BRSK2: variants seen among roughly 807,000 people sequenced by gnomAD.
BRSK2 encodes the protein BR serine/threonine kinase 2.
Under a neutral mutation model 83.3 loss-of-function variants are expected in BRSK2, and 19 were observed. That is an observed-to-expected ratio of 0.23 (90% CI 0.16 to 0.33). The LOEUF is 0.33. Among genes scored for constraint, BRSK2 ranks in the 10% least tolerant of loss-of-function variants. The pLI is 1.00. For missense variants in BRSK2, 798 were observed against 1,042.3 expected (o/e 0.77, Z 3.23); for synonymous variants, 519 against 435.4 (o/e 1.19, Z -2.39).
intron 12 of BRSK2, among the ~76,000 whole-genome samples, chr11:1,449,073 G>A (rs546738347): frequency 1.2e-4 from 18 of 152,344 alleles, no homozygotes; most frequent in Non-Finnish European, 2.4e-4. Flanking sequence ...CGGCTCGTCC[G>A]TGCAGTGTGG....
In BRSK2 at chr11:1,423,361, G is replaced by A. The variant is rs79584027; in HGVS notation, c.92-12679G>A. 1.7e-4 allele frequency among the ~76,000 whole-genome samples: 26 copies of A among 152,262 alleles called. No individual in the cohort carries two copies. The East Asian group carries it at 3.3e-3, about 19-fold the overall frequency. On this transcript the variant is annotated intron_variant, in intron 1 of 19. Coordinates refer to ENST00000528841, the MANE Select transcript of BRSK2 (RefSeq NM_001256627.2). This position sits in a 1 kb window ranked among gnomAD's most constrained non-coding sequence, Gnocchi z 6.5. ...ACTTCAGTGCAGAGCCTTCAGTTAG[G>A]AGCCGAGGCCTCTGGCCAGGTTCAG...
chr11:1,418,001 A>G (rs1398515347), intron 1 of BRSK2, among the ~76,000 whole-genome samples: 13 of 134,262 alleles, frequency 9.7e-5, no homozygotes, highest in Non-Finnish European at 1.6e-4. Flanking sequence ...AGAGTGGGTC[A>G]CCTGTGTCCT....
Position 1,414,948 on chromosome 11 carries a change from G to A in BRSK2, c.92-21092G>A, listed in dbSNP as rs566853489. Among the ~76,000 whole-genome samples the A allele has an allele frequency of 2.1e-3, 319 of 152,286 alleles. 1 individual carries two copies. Among genetic ancestry groups the A allele is most frequent in the Non-Finnish European group, 3.7e-3 (249 of 68,030 alleles). On this transcript the variant is annotated intron_variant, in intron 1 of 19. Coordinates refer to ENST00000528841, the MANE Select transcript of BRSK2 (RefSeq NM_001256627.2). Reference sequence around the variant, plus strand: ...CCTGTGTGGACAGACCACGTTGTTCGCCTATCATCTGCCGTGGACATGTGG... The same window carrying A: ...CCTGTGTGGACAGACCACGTTGTTCACCTATCATCTGCCGTGGACATGTGG...
At chr11:1,414,704 A>G (rs1263522803) in intron 1 of BRSK2, among the ~76,000 whole-genome samples, 1 of 152,180 alleles carries the variant, frequency 6.6e-6, no homozygotes, top group Non-Finnish European at 1.5e-5. Context: ...CTAGTTCCAG[A>G]ATGTTCCACC....
chr11:1,426,398 A>G (rs771981528), intron 1 of BRSK2, among the ~76,000 whole-genome samples: 1 of 152,154 alleles, frequency 6.6e-6, no homozygotes, highest in Non-Finnish European at 1.5e-5. Context: ...TCCAGGGGAA[A>G]GAAGAGGCTT....
At chr11:1,412,652 A>C (rs1218982977) in intron 1 of BRSK2, among the ~76,000 whole-genome samples, 1 of 152,204 alleles carries the variant, frequency 6.6e-6, no homozygotes, top group African/African-American at 2.4e-5. Context: ...GGAGGGGCCC[A>C]GCAGAGCTGA....
intron 6 of BRSK2, 60 bp downstream of exon 6, chr11:1,443,199 G>A (rs1431872368): frequency 2.0e-6 from 3 of 1,527,034 alleles, no homozygotes; most frequent in South Asian, 2.4e-5. Context: ...ACCTGACCCT[G>A]GTGGGACCCC....
intron 1 of BRSK2, among the ~76,000 whole-genome samples, chr11:1,396,181 C>G (rs4046759): frequency 0.13 from 11,426 of 89,860 alleles, 1,215 homozygotes; most frequent in Non-Finnish European, 0.16. Flanking sequence ...CCCCGCTCCT[C>G]GTCTCTCTTC....
Position 1,454,068 on chromosome 11 carries a change from G to C in BRSK2, c.1545-417G>C, listed in dbSNP as rs550138607. On this transcript the variant is annotated intron_variant, in intron 15 of 19. Transcript: ENST00000528841. This position sits in a 1 kb window ranked among gnomAD's most constrained non-coding sequence, Gnocchi z 5.2. ...GCCTCCCCACTCTCCTGTTGGAAGC[G>C]AGTTGCAGGCCCCGCCTGCTCCTGG... The C allele has an allele frequency of 6.2e-6, 1 of 162,074 alleles. No homozygotes were observed. The allele number at this position is 162,074 out of a possible 1,614,324, so 10.0% of individuals were successfully genotyped here.
Position 1,460,623 on chromosome 11 carries a change from C to T in BRSK2, c.2111C>T (p.Ser704Phe), listed in dbSNP as rs574284797. 3.5e-5 allele frequency: 54 copies of T among 1,530,494 alleles called. 1 individual carries two copies. In the South Asian group the frequency reaches 4.2e-4, roughly 12 times the overall value. The allele number at this position is 1,530,494 out of a possible 1,614,324, so 94.8% of individuals were successfully genotyped here. A position where few individuals can be genotyped will look rare whatever the true frequency, so the allele number is the denominator to read the frequency against. The change falls in exon 20 of 20, where the codon TCC becomes TTC. Residue 704 changes from serine (S) to phenylalanine (F), a missense_variant. By Grantham distance (155) the Ser-to-Phe change is radical (BLOSUM62 -2). Coordinates refer to ENST00000528841, the MANE Select transcript of BRSK2 (RefSeq NM_001256627.2). ...AGTGCCCACGGCCCACTCGGTGACT[C>T]CGCGGCCGCTGGCCCTGGCCCCGGA... is the stretch of plus-strand genomic sequence containing the variant. ...KRSAHGPLGD[S>F]AAAGPGPGGD...
intron 18 of BRSK2, among the ~76,000 whole-genome samples, chr11:1,457,528 G>T (rs1459808308): frequency 1.3e-4 from 20 of 152,180 alleles, no homozygotes; most frequent in Admixed American, 1.3e-3. Flanking sequence ...GTGGGGGCAG[G>T]GCGGAGCACT....
rs1343880075 is a variant in BRSK2, at chr11:1,459,186, C to T, written c.1940-6C>T. The T allele has an allele frequency of 1.9e-6, 3 of 1,613,722 alleles. 1 individual carries two copies. Among genetic ancestry groups the T allele is most frequent in the Middle Eastern group, 3.3e-4 (2 of 6,056 alleles). ...CCCTCCCTCCTCTCTCCATTCTGTA[C>T]TCCAGACACCACTAACTGTATGGAA... On this transcript the variant is annotated splice_polypyrimidine_tract_variant and splice_region_variant and intron_variant, in intron 18 of 19. Coordinates refer to ENST00000528841, the MANE Select transcript of BRSK2 (RefSeq NM_001256627.2).
At chr11:1,452,851 C>A (rs11603670) in intron 15 of BRSK2, among the ~76,000 whole-genome samples, 1 of 152,070 alleles carries the variant, frequency 6.6e-6, no homozygotes, top group Non-Finnish European at 1.5e-5. Context: ...CCCTCTTTGG[C>A]GACAACTCGC....
chr11:1,416,480 C>G (rs1057508788), intron 1 of BRSK2, among the ~76,000 whole-genome samples: 1 of 152,234 alleles, frequency 6.6e-6, no homozygotes, highest in Admixed American at 6.5e-5. Flanking sequence ...GGGCTCACCT[C>G]CCTCGGACCG....
intron 14 of BRSK2, 111 bp from the exon 15 acceptor site, chr11:1,451,258 CCA>C (rs1845787690): frequency 9.4e-6 from 12 of 1,270,892 alleles, no homozygotes; most frequent in Admixed American, 1.7e-5. Flanking sequence ...GGGGGCTGTC[CCA>C]GTGTGTGTGG....
intron 13 of BRSK2, 21 bp from the exon 14 acceptor site, chr11:1,450,566 A>G (rs1216333876): frequency 5.5e-6 from 8 of 1,446,914 alleles, no homozygotes; most frequent in East Asian, 2.5e-5. Flanking sequence ...ACCAAACACC[A>G]AATCTGTCCC....
chr11:1,423,704 C>T lies in BRSK2; in HGVS notation c.92-12336C>T, dbSNP rs1848865028. Among the ~76,000 whole-genome samples the T allele has an allele frequency of 6.6e-6, 1 of 150,922 alleles. No individual in the cohort carries two copies. Among genetic ancestry groups the T allele is most frequent in the Non-Finnish European group, 1.5e-5 (1 of 67,612 alleles). ...TGGGCGTTCCGGGTGCCCCAGGCCTCCCCCGCTGGGCGTTCCGGGTGCCCC... is the reference window on the plus strand; with the variant it reads ...TGGGCGTTCCGGGTGCCCCAGGCCTTCCCCGCTGGGCGTTCCGGGTGCCCC... On this transcript the variant is annotated intron_variant, in intron 1 of 19. Coordinates refer to ENST00000528841, the MANE Select transcript of BRSK2 (RefSeq NM_001256627.2). The surrounding 1 kb of genome is among the most constrained non-coding windows in gnomAD (Gnocchi z 6.5).
At chr11:1,450,544 C>A (rs555025299) in intron 13 of BRSK2, 43 bp from the exon 14 acceptor site, 6 of 1,134,686 alleles carry the variant, frequency 5.3e-6, no homozygotes, top group Non-Finnish European at 7.6e-6. Context: ...GGCCCCCACC[C>A]GCCGGGATTG....
chr11:1,443,288 C>T, intron 6 of BRSK2, 47 bp from the exon 7 acceptor site: 1 of 1,564,646 alleles, frequency 6.4e-7, no homozygotes. Flanking sequence ...TCCAAGGCCC[C>T]CGCCCTGCCC....
Sources: allele counts gnomAD v4.1 joint callset (sites outside exome capture counted in the v4.1 genomes callset), GRCh38; gene constraint gnomAD v4.1.1; non-coding constraint Gnocchi (gnomAD v3.1); transcripts MANE v1.5; gene names NCBI Gene and HGNC (gene_info 2026-07-23, HGNC 2026-07-21).